CTNNA3: variants seen among roughly 807,000 people sequenced by gnomAD.
CTNNA3 encodes catenin alpha-3.
A neutral mutation model predicts 95.7 loss-of-function variants in CTNNA3; 76 were observed. The ratio of observed to expected loss-of-function variants is 0.79; its 90% CI spans 0.66 to 0.96. The LOEUF (loss-of-function observed/expected upper bound fraction) is 0.96, where lower values mean the gene tolerates loss of function less well. Among genes scored for constraint, CTNNA3 ranks in the 40% least tolerant of loss-of-function variants. The probability of loss-of-function intolerance (pLI) is 0.00; values close to 1 mark genes in which losing one functional copy is unlikely to be tolerated. For missense variants in CTNNA3, 1,191 were observed against 1,089.8 expected (o/e 1.09, Z -1.31); for synonymous variants, 431 against 374.4 (o/e 1.15, Z -1.74).
At chr10:67,683,170 G>T (rs1840659658) in intron 1 of CTNNA3, among the ~76,000 whole-genome samples, 1 of 152,178 alleles carries the variant, frequency 6.6e-6, no homozygotes, top group African/African-American at 2.4e-5. Context: ...GAGTCTAACA[G>T]AAAAGCAAGT....
At chr10:66,545,262 G>A (rs1417447457) in intron 10 of CTNNA3, among the ~76,000 whole-genome samples, 1 of 151,802 alleles carries the variant, frequency 6.6e-6, no homozygotes, top group African/African-American at 2.4e-5. Flanking sequence ...TAATGTTACC[G>A]CATAAACGTC....
At chr10:67,491,955 G>A (rs1385177743) in intron 5 of CTNNA3, among the ~76,000 whole-genome samples, 1 of 151,968 alleles carries the variant, frequency 6.6e-6, no homozygotes, top group Non-Finnish European at 1.5e-5. Flanking sequence ...TTAAATTTTG[G>A]ACATCTTGAG....
intron 5 of CTNNA3, among the ~76,000 whole-genome samples, chr10:67,371,763 C>A (rs1488928679): frequency 6.6e-6 from 1 of 152,286 alleles, no homozygotes; most frequent in African/African-American, 2.4e-5. Flanking sequence ...ATGGCTGGGT[C>A]AAATGGTATT....
intron 11 of CTNNA3, among the ~76,000 whole-genome samples, chr10:66,495,535 T>C (rs1333518800): frequency 6.6e-6 from 1 of 152,224 alleles, no homozygotes; most frequent in African/African-American, 2.4e-5. Flanking sequence ...CTGTGATTCC[T>C]TACAGCTCAC....
chr10:66,631,857 C>T (rs1326828428), intron 9 of CTNNA3, among the ~76,000 whole-genome samples: 1 of 152,088 alleles, frequency 6.6e-6, no homozygotes, highest in Non-Finnish European at 1.5e-5. Flanking sequence ...TATCTGAAAA[C>T]TGTTATTACT....
At chr10:67,366,391 A>G (rs906904564) in intron 5 of CTNNA3, among the ~76,000 whole-genome samples, 1 of 151,938 alleles carries the variant, frequency 6.6e-6, no homozygotes, top group African/African-American at 2.4e-5. Flanking sequence ...AAATTCACTG[A>G]CATTCAGAAA....
chr10:67,641,209 C>T (rs1346620598), intron 2 of CTNNA3, among the ~76,000 whole-genome samples: 1 of 152,152 alleles, frequency 6.6e-6, no homozygotes. Flanking sequence ...TATGAACAGA[C>T]ACTTCTCAAA....
At chr10:66,445,219 A>T (rs906990682) in intron 11 of CTNNA3, among the ~76,000 whole-genome samples, 39 of 152,102 alleles carry the variant, frequency 2.6e-4, no homozygotes, top group African/African-American at 9.4e-4. Flanking sequence ...ACACAATAAT[A>T]ATGGGAGACA....
At chr10:67,066,484 C>A (rs1856093412) in intron 7 of CTNNA3, among the ~76,000 whole-genome samples, 1 of 150,932 alleles carries the variant, frequency 6.6e-6, no homozygotes, top group East Asian at 1.9e-4. Flanking sequence ...AACCACCGCA[C>A]CTGGCCAAGT....
chr10:66,927,443 T>C lies in CTNNA3; in HGVS notation c.1048-151919A>G. On this transcript the variant is annotated intron_variant, in intron 7 of 17. Coordinates refer to ENST00000433211, the MANE Select transcript of CTNNA3 (RefSeq NM_013266.4). This position sits in a 1 kb window ranked among gnomAD's most constrained non-coding sequence, Gnocchi z 4.7. Reference sequence around the variant, plus strand: ...TCCCTGAGAACCATCCCTGTGCGAATATTCCAAGACTGCCGCAACCTGGAA... The same window carrying C: ...TCCCTGAGAACCATCCCTGTGCGAACATTCCAAGACTGCCGCAACCTGGAA... 1 of 1,614,150 alleles carries C rather than the reference T, an allele frequency of 6.2e-7. No individual in the cohort carries two copies. The highest frequency in any genetic ancestry group is 8.5e-7 in the Non-Finnish European group (1 of 1,180,030).
chr10:66,113,358 C>G (rs750546632), intron 13 of CTNNA3, among the ~76,000 whole-genome samples: 1 of 152,060 alleles, frequency 6.6e-6, no homozygotes, highest in African/African-American at 2.4e-5. Flanking sequence ...TTAAGCTCTA[C>G]GAATAAGCAC....
intron 14 of CTNNA3, among the ~76,000 whole-genome samples, chr10:66,088,193 T>C (rs1188323573): frequency 6.6e-6 from 1 of 152,068 alleles, no homozygotes; most frequent in Non-Finnish European, 1.5e-5. Flanking sequence ...ACCTTTATTT[T>C]CATAAAATAT....
chr10:66,553,512 C>CTT (rs1451044269), intron 10 of CTNNA3, among the ~76,000 whole-genome samples: 41 of 31,584 alleles, frequency 1.3e-3, no homozygotes, highest in East Asian at 2.6e-3. Context: ...ATGAACAATA[C>CTT]TTTTCTTTTT....
rs527767911 is a variant in CTNNA3 at position 66,663,817 on chromosome 10, A to G, written c.1282-42033T>C. ...AAAGATTGTCCTTTAGAATGCAGAA[A>G]CTTCTGCATACTTATAAAATCTTAT... On this transcript the variant is annotated intron_variant, in intron 9 of 17. Coordinates refer to ENST00000433211, the MANE Select transcript of CTNNA3 (RefSeq NM_013266.4). Among the ~76,000 whole-genome samples, 217 of 152,240 alleles carry G rather than the reference A, an allele frequency of 1.4e-3. 1 individual carries two copies. The highest frequency in any genetic ancestry group is 2.4e-3 in the Non-Finnish European group (161 of 67,990).
chr10:65,934,627 A>G (rs1453375470), intron 17 of CTNNA3, among the ~76,000 whole-genome samples: 1 of 152,200 alleles, frequency 6.6e-6, no homozygotes, highest in Non-Finnish European at 1.5e-5. Context: ...CAATAAAAAC[A>G]GTGTTTGTAG....
intron 7 of CTNNA3, among the ~76,000 whole-genome samples, chr10:66,851,822 C>A (rs1843509494): frequency 6.6e-6 from 1 of 152,100 alleles, no homozygotes; most frequent in South Asian, 2.1e-4. Context: ...TTATAAATTA[C>A]CCAGTCTCCG....
At chr10:67,099,373 A>G (rs551658117) in intron 7 of CTNNA3, 1 of 151,742 alleles carries the variant, frequency 6.6e-6, no homozygotes, top group South Asian at 2.1e-4. Context: ...GTTGCACTAG[A>G]AGTGCTTTTT....
intron 7 of CTNNA3, among the ~76,000 whole-genome samples, chr10:66,872,380 T>A (rs1039406533): frequency 1.1e-4 from 17 of 152,102 alleles, no homozygotes; most frequent in African/African-American, 4.1e-4. Flanking sequence ...TTCAAAAAAA[T>A]AATTTTCGCT....
chr10:66,903,424 C>A lies in CTNNA3; in HGVS notation c.1048-127900G>T, dbSNP rs142648327. Reference sequence around the variant, plus strand: ...TGACAAACCCACAGCCAATATCATACCGAATGGACAAAAACTGGAAGCATT... The same window carrying A: ...TGACAAACCCACAGCCAATATCATAACGAATGGACAAAAACTGGAAGCATT... On this transcript the variant is annotated intron_variant, in intron 7 of 17. Transcript: ENST00000433211. 8.4e-3 allele frequency among the ~76,000 whole-genome samples: 1,285 copies of A among 152,196 alleles called. 8 individuals carry two copies. The highest frequency in any genetic ancestry group is 0.029 in the African/African-American group (1,207 of 41,516).
Sources: gnomAD v4.1 joint callset for allele counts (sites outside exome capture counted in the v4.1 genomes callset) on GRCh38, gnomAD v4.1.1 for gene constraint, Gnocchi (gnomAD v3.1) non-coding constraint, MANE v1.5 for transcripts, NCBI Gene and HGNC (gene_info 2026-07-23, HGNC 2026-07-21) for gene names.